NYAP2: variants seen among roughly 807,000 people sequenced by gnomAD.
NYAP2 encodes the protein neuronal tyrosine-phosphorylated phosphoinositide-3-kinase adaptor 2.
In NYAP2, 23 loss-of-function variants were observed where a neutral mutation model predicts 50.4. The observed-to-expected ratio is 0.46, with a 90% CI of 0.33 to 0.65. The LOEUF (loss-of-function observed/expected upper bound fraction) is 0.65, where lower values mean the gene tolerates loss of function less well. Ranked by LOEUF, NYAP2 falls within the 30% of genes least tolerant of loss-of-function variation. The probability of loss-of-function intolerance (pLI) is 0.02; values close to 1 mark genes in which losing one functional copy is unlikely to be tolerated. For missense variants in NYAP2, 885 were observed against 861.0 expected, an observed-to-expected ratio of 1.03 and a Z score of -0.35; for synonymous variants, 394 against 365.2, an observed-to-expected ratio of 1.08 and a Z score of -0.90.
At chr2:225,441,285 G>A (rs1689467069) in intron 3 of NYAP2, among the ~76,000 whole-genome samples, 1 of 152,150 alleles carries the variant, frequency 6.6e-6, no homozygotes, top group African/African-American at 2.4e-5. Context: ...GAAAATGATA[G>A]AATAGCTGTC....
intron 4 of NYAP2, among the ~76,000 whole-genome samples, chr2:225,543,661 A>T (rs1691516254): frequency 6.6e-6 from 1 of 151,984 alleles, no homozygotes; most frequent in South Asian, 2.1e-4. Flanking sequence ...AACACTTAAG[A>T]CATGTTTTGT....
chr2:225,582,733 C>G lies in NYAP2; in HGVS notation c.1316C>G (p.Pro439Arg). 4 of 1,612,712 alleles carry G rather than the reference C, an allele frequency of 2.5e-6. No homozygotes were observed. Among genetic ancestry groups the G allele is most frequent in the Non-Finnish European group, 3.4e-6 (4 of 1,179,020 alleles). The change falls in exon 5 of 7, where the codon CCC (proline) becomes CGC (arginine). Residue 439 changes from proline to arginine, a missense_variant. Pro to Arg is a moderately radical substitution (Grantham distance 103). Transcript: ENST00000636099. The surrounding 1 kb of genome is among the most constrained non-coding windows in gnomAD (Gnocchi z 7.0). ...AAAAGTCACTCCACCTCTCCCTCCC[C>G]CGTCAGCATGGGGAGGTCCCTGACT...
the NYAP2 span, among the ~76,000 whole-genome samples, chr2:225,676,357 C>G: frequency 6.6e-6 from 1 of 152,022 alleles, no homozygotes; most frequent in Non-Finnish European, 1.5e-5. Flanking sequence ...TAGTTTCATT[C>G]TTCTGCATAT....
intron 4 of NYAP2, among the ~76,000 whole-genome samples, chr2:225,516,238 C>T (rs1037800030): frequency 3.3e-5 from 5 of 152,144 alleles, no homozygotes; most frequent in African/African-American, 1.2e-4. Context: ...ATGCCTTCAC[C>T]ATCTAAGGAT....
chr2:225,524,642 A>G (rs1302571430), intron 4 of NYAP2, among the ~76,000 whole-genome samples: 1 of 152,218 alleles, frequency 6.6e-6, no homozygotes, highest in Non-Finnish European at 1.5e-5. Flanking sequence ...AAGCTATACA[A>G]GTCCTAGGAG....
chr2:225,481,697 T>C (rs1310265687), intron 3 of NYAP2, among the ~76,000 whole-genome samples: 2 of 152,188 alleles, frequency 1.3e-5, no homozygotes, highest in Middle Eastern at 3.2e-3. Context: ...ATATTTTATA[T>C]ATTGAAAGCC....
intron 3 of NYAP2, among the ~76,000 whole-genome samples, chr2:225,471,751 G>C (rs1417403887): frequency 6.6e-6 from 1 of 152,190 alleles, no homozygotes; most frequent in Admixed American, 6.5e-5. Context: ...AACAAGTTGA[G>C]AGAGTGTAAG....
intron 3 of NYAP2, among the ~76,000 whole-genome samples, chr2:225,458,444 T>C (rs918669087): frequency 2.6e-5 from 4 of 152,244 alleles, no homozygotes; most frequent in African/African-American, 9.6e-5. Context: ...AATGTTAGTA[T>C]AGCTTTAATC....
chr2:225,701,733 T>C, the NYAP2 span: 4 of 151,782 alleles, frequency 2.6e-5, no homozygotes, highest in Non-Finnish European at 1.5e-5. Context: ...TTTAAATTTG[T>C]AGTTTTAAAG....
chr2:225,667,482 C>A, the NYAP2 span, among the ~76,000 whole-genome samples: 1 of 152,084 alleles, frequency 6.6e-6, no homozygotes, highest in African/African-American at 2.4e-5. Context: ...GGATGAAGAG[C>A]ATGTGGTAAT....
intron 3 of NYAP2, among the ~76,000 whole-genome samples, chr2:225,468,352 C>A (rs1393110711): frequency 2.0e-5 from 3 of 152,128 alleles, no homozygotes; most frequent in Non-Finnish European, 4.4e-5. Flanking sequence ...GGACTTCTAG[C>A]CTCCAGAACT....
intron 5 of NYAP2, among the ~76,000 whole-genome samples, chr2:225,623,106 A>G (rs13420730): frequency 0.26 from 39,723 of 152,150 alleles, 5,251 homozygotes; most frequent in African/African-American, 0.32. Context: ...AGGCCCATTT[A>G]AAAACCTGAA....
chr2:225,505,389 G>C (rs148959224), intron 3 of NYAP2, among the ~76,000 whole-genome samples: 1,556 of 152,234 alleles, frequency 0.01, 30 homozygotes, highest in African/African-American at 0.034. Flanking sequence ...TGTGGCTCAG[G>C]GAAGACATTA....
intron 3 of NYAP2, among the ~76,000 whole-genome samples, chr2:225,510,938 G>A (rs1690802001): frequency 2.0e-5 from 3 of 152,104 alleles, no homozygotes; most frequent in Non-Finnish European, 4.4e-5. Context: ...TAGGTCAAAA[G>A]TAACTGAGAA....
intron 3 of NYAP2, among the ~76,000 whole-genome samples, chr2:225,490,943 G>T (rs1369106429): frequency 1.3e-5 from 2 of 152,096 alleles, no homozygotes; most frequent in Non-Finnish European, 2.9e-5. Flanking sequence ...TGCTGTTATG[G>T]AATTTTTCAT....
intron 5 of NYAP2, among the ~76,000 whole-genome samples, chr2:225,598,373 T>C (rs1480398029): frequency 6.6e-6 from 1 of 152,246 alleles, no homozygotes; most frequent in African/African-American, 2.4e-5. Context: ...CAAAAAGCTA[T>C]AGGTATTAAC....
intron 4 of NYAP2, among the ~76,000 whole-genome samples, chr2:225,518,795 G>A (rs1370780301): frequency 6.6e-6 from 1 of 151,244 alleles, no homozygotes; most frequent in Non-Finnish European, 1.5e-5. Context: ...TAGACAGGTG[G>A]ATTATTGGAG....
chr2:225,557,768 T>C (rs1450127525), intron 4 of NYAP2, among the ~76,000 whole-genome samples: 1 of 152,156 alleles, frequency 6.6e-6, no homozygotes, highest in Non-Finnish European at 1.5e-5. Flanking sequence ...CCATTTATCA[T>C]GTTTAAGTTG....
the NYAP2 span, among the ~76,000 whole-genome samples, chr2:225,675,997 CTTTTGT>C: frequency 6.6e-6 from 1 of 151,498 alleles, no homozygotes; most frequent in South Asian, 2.1e-4. Flanking sequence ...GGATTTTTTG[CTTTTGT>C]TTTTGTTTTT....
Sources: allele counts gnomAD v4.1 joint callset (sites outside exome capture counted in the v4.1 genomes callset), GRCh38; gene constraint gnomAD v4.1.1; non-coding constraint Gnocchi (gnomAD v3.1); transcripts MANE v1.5; gene names NCBI Gene and HGNC (gene_info 2026-07-23, HGNC 2026-07-21).